The following CLTRN variants were observed in gnomAD, a reference collection of about 807,000 sequenced individuals.
CLTRN encodes collectrin, amino acid transport regulator, also known as collectrin.
A neutral mutation model predicts 14.5 loss-of-function variants in CLTRN; 12 were observed. The observed-to-expected ratio is 0.83, with a 90% CI of 0.53 to 1.34. The LOEUF is 1.34. Ranked by LOEUF, CLTRN falls within the 40% of genes most tolerant of loss-of-function variation. The pLI is 0.00. For synonymous variants in CLTRN, 58 were observed against 56.5 expected (o/e 1.03, Z -0.12); for missense variants, 154 against 165.1 (o/e 0.93, Z 0.37).
At chrX:15,675,291 A>G (rs1929815571), upstream of CLTRN, among the ~76,000 whole-genome samples, 1 of 111,976 alleles carries the variant, frequency 8.9e-6, no homozygotes, top group Non-Finnish European at 1.9e-5. Flanking sequence ...TGACTGGATG[A>G]TCACTGGGCG....
At position 15,656,091 on chromosome X, in the gene CLTRN, C is replaced by G. The variant is rs546171576; in HGVS notation, c.203+2925G>C. Among the ~76,000 whole-genome samples the G allele has an allele frequency of 1.5e-4, 17 of 112,153 alleles. 1 individual carries two copies. The highest frequency in any genetic ancestry group is 5.5e-4 in the African/African-American group (17 of 30,881). On this transcript the variant is annotated intron_variant, in intron 3 of 5. Transcript: ENST00000380342. Reference sequence around the variant, plus strand: ...AGCCCTCTCTGCAAGCCCACACCCTCAGCCTCTCTGATCCCCTTAGGGAAT... The same window carrying G: ...AGCCCTCTCTGCAAGCCCACACCCTGAGCCTCTCTGATCCCCTTAGGGAAT...
chrX:15,644,224 T>C lies in CLTRN; in HGVS notation c.317+692A>G, dbSNP rs532040422. ...CTGCTGAGAGCACCTTTCTAGGCAA[T>C]TTCCATCTCTTACGGTCTTTGAGCT... On this transcript the variant is annotated intron_variant, in intron 4 of 5. Coordinates refer to ENST00000380342, the MANE Select transcript of CLTRN (RefSeq NM_020665.6). Among the ~76,000 whole-genome samples, 14 of 112,007 alleles carry C rather than the reference T, an allele frequency of 1.2e-4. No individual in the cohort carries two copies. The South Asian group carries it at 5.2e-3, about 42-fold the overall frequency.
chrX:15,658,410 T>C (rs1181675630), intron 3 of CLTRN, among the ~76,000 whole-genome samples: 3 of 112,061 alleles, frequency 2.7e-5, no homozygotes, highest in Non-Finnish European at 5.6e-5. Flanking sequence ...CATGCCCAGG[T>C]TCTCCTTCCA....
At chrX:15,664,627 A>C in intron 1 of CLTRN, 91 bp downstream of exon 1, 1 of 894,703 alleles carries the variant, frequency 1.1e-6, no homozygotes. Flanking sequence ...ACATGTCTGC[A>C]GATTTAGAAA....
intron 2 of CLTRN, among the ~76,000 whole-genome samples, chrX:15,662,532 G>C (rs750624707): frequency 3.9e-4 from 43 of 110,577 alleles, no homozygotes; most frequent in African/African-American, 1.2e-3. Context: ...CCATAGCAAA[G>C]AGCTGTTGTT....
At chrX:15,668,494 TGATTC>T (rs1200395360), upstream of CLTRN, among the ~76,000 whole-genome samples, 1 of 112,791 alleles carries the variant, frequency 8.9e-6, no homozygotes, top group Non-Finnish European at 1.9e-5. Flanking sequence ...TTTTTCACAT[TGATTC>T]AATTCTTAGA....
chrX:15,635,580 T>C (rs1411792768), intron 5 of CLTRN, among the ~76,000 whole-genome samples: 1 of 111,501 alleles, frequency 9.0e-6, no homozygotes, highest in Admixed American at 9.5e-5. Flanking sequence ...GATATCTCGA[T>C]GCAAAAGAAT....
intron 5 of CLTRN, among the ~76,000 whole-genome samples, chrX:15,633,988 G>A (rs1001419535): frequency 8.9e-6 from 1 of 112,012 alleles, no homozygotes; most frequent in Non-Finnish European, 1.9e-5. Context: ...GGTTTCTGGA[G>A]GGTTGGATTT....
At chrX:15,671,771 C>A (rs1929720362) in intron 1 of CLTRN, among the ~76,000 whole-genome samples, 1 of 109,745 alleles carries the variant, frequency 9.1e-6, no homozygotes, top group African/African-American at 3.3e-5. Flanking sequence ...GATAAATGAG[C>A]TTATTTTAAT....
intron 5 of CLTRN, among the ~76,000 whole-genome samples, chrX:15,632,481 G>A (rs1928717485): frequency 9.0e-6 from 1 of 111,235 alleles, no homozygotes. Flanking sequence ...GGGAGGCTGA[G>A]GCAACAGAAT....
chrX:15,629,792 T>C (rs1457974892), intron 5 of CLTRN, among the ~76,000 whole-genome samples: 1 of 111,765 alleles, frequency 8.9e-6, no homozygotes, highest in Non-Finnish European at 1.9e-5. Flanking sequence ...AGGACACTTG[T>C]ATTTTGCTAA....
chrX:15,662,011 A>T (rs1413819222), intron 2 of CLTRN, among the ~76,000 whole-genome samples: 3 of 111,534 alleles, frequency 2.7e-5, no homozygotes, highest in Non-Finnish European at 3.8e-5. Flanking sequence ...TAACTGGTAT[A>T]ACTAGAGACA....
chrX:15,635,651 A>G (rs1928801225), intron 5 of CLTRN, among the ~76,000 whole-genome samples: 1 of 112,060 alleles, frequency 8.9e-6, no homozygotes, highest in Admixed American at 9.5e-5. Flanking sequence ...TTAAAGACTT[A>G]AACCTAAGAC....
chrX:15,634,696 C>T (rs1928774158), intron 5 of CLTRN, among the ~76,000 whole-genome samples: 1 of 103,046 alleles, frequency 9.7e-6, no homozygotes, highest in African/African-American at 3.6e-5. Context: ...AAAAATCAAA[C>T]ACCGCATATT....
At position 15,647,587 on chromosome X, in the gene CLTRN, T is replaced by C. The variant is rs1929118242; in HGVS notation, c.204-2558A>G. On this transcript the variant is annotated intron_variant, in intron 3 of 5. Coordinates refer to ENST00000380342, the MANE Select transcript of CLTRN (RefSeq NM_020665.6). ...GAGGAGCGGGAAGCTGTCTTGTGCA[T>C]TGCAGGGCCTTAGCAACATCCCTGG... Among the ~76,000 whole-genome samples the C allele has an allele frequency of 4.8e-5, 4 of 83,403 alleles. No homozygotes were observed. In the South Asian group the frequency reaches 2.4e-3, roughly 49 times the overall value. The allele number at this position is 83,403 out of a possible 115,157, so 72.4% of individuals were successfully genotyped here.
chrX:15,645,328 C>T (rs1287296061), intron 3 of CLTRN, among the ~76,000 whole-genome samples: 7 of 111,195 alleles, frequency 6.3e-5, no homozygotes, highest in Non-Finnish European at 1.1e-4. Context: ...TGGTGACAGC[C>T]CCCGTTTCCC....
intron 4 of CLTRN, among the ~76,000 whole-genome samples, chrX:15,644,125 TGTCGGGAA>T (rs1929003000): frequency 8.9e-6 from 1 of 112,069 alleles, no homozygotes; most frequent in Non-Finnish European, 1.9e-5. Context: ...GGAGTACAAC[TGTCGGGAA>T]GTCGGGAAAA....
chrX:15,675,297 G>A, upstream of CLTRN, among the ~76,000 whole-genome samples: 1 of 112,048 alleles, frequency 8.9e-6, no homozygotes, highest in Non-Finnish European at 1.9e-5. Flanking sequence ...GATGATCACT[G>A]GGCGAAGGGT....
chrX:15,632,560 G>A (rs1159234057), intron 5 of CLTRN, among the ~76,000 whole-genome samples: 4 of 104,943 alleles, frequency 3.8e-5, no homozygotes, highest in Admixed American at 1.0e-4. Context: ...CCTTGGCAAC[G>A]GAGTGAGACT....
Sources: gnomAD v4.1 joint callset for allele counts (sites outside exome capture counted in the v4.1 genomes callset) on GRCh38, gnomAD v4.1.1 for gene constraint, MANE v1.5 for transcripts, NCBI Gene and HGNC (gene_info 2026-07-23, HGNC 2026-07-21) for gene names.